The following GALNT17 variants were observed in gnomAD, a reference collection of about 807,000 sequenced individuals.
GALNT17 encodes polypeptide N-acetylgalactosaminyltransferase 17.
Under a neutral mutation model 63.7 loss-of-function variants are expected in GALNT17, and 29 were observed. That is an observed-to-expected ratio of 0.46 (90% CI 0.34 to 0.62). The LOEUF is 0.62. Ranked by LOEUF, GALNT17 falls within the 20% of genes least tolerant of loss-of-function variation. The pLI, the probability that GALNT17 is intolerant of heterozygous loss-of-function variation, is 0.01. For missense variants in GALNT17, 603 were observed against 799.6 expected, an observed-to-expected ratio of 0.75 and a Z score of 2.97; for synonymous variants, 305 against 318.3, an observed-to-expected ratio of 0.96 and a Z score of 0.45.
chr7:71,359,561 A>G (rs562713658), intron 2 of GALNT17, among the ~76,000 whole-genome samples: 1 of 151,998 alleles, frequency 6.6e-6, no homozygotes, highest in Non-Finnish European at 1.5e-5. Flanking sequence ...AATATCCAAA[A>G]CATAGCATAT....
At chr7:71,482,241 C>T (rs1167343442) in intron 5 of GALNT17, among the ~76,000 whole-genome samples, 3 of 151,706 alleles carry the variant, frequency 2.0e-5, no homozygotes, top group Non-Finnish European at 4.4e-5. Flanking sequence ...CCTCTGCCTC[C>T]CGGGTTCAAG....
intron 6 of GALNT17, among the ~76,000 whole-genome samples, chr7:71,607,052 A>C (rs1425886549): frequency 6.6e-6 from 1 of 152,150 alleles, no homozygotes; most frequent in African/African-American, 2.4e-5. Context: ...CACACCTGTA[A>C]TCCCAGCACT....
intron 7 of GALNT17, among the ~76,000 whole-genome samples, chr7:71,668,278 A>G (rs1299709323): frequency 6.6e-6 from 1 of 152,094 alleles, no homozygotes; most frequent in African/African-American, 2.4e-5. Context: ...GCACTTTGGG[A>G]GGCCGAGGCG....
chr7:71,136,682 G>A (rs1787789868), intron 1 of GALNT17, among the ~76,000 whole-genome samples: 1 of 151,788 alleles, frequency 6.6e-6, no homozygotes, highest in African/African-American at 2.4e-5. Flanking sequence ...ACGGGTTTTC[G>A]CCATGTTGGT....
At chr7:71,347,143 T>C (rs1218776010) in intron 2 of GALNT17, among the ~76,000 whole-genome samples, 2 of 152,208 alleles carry the variant, frequency 1.3e-5, no homozygotes, top group African/African-American at 4.8e-5. Context: ...GCAGTACTTA[T>C]GGGTGAATGT....
At chr7:71,649,943 C>T (rs923374796) in intron 6 of GALNT17, among the ~76,000 whole-genome samples, 2 of 152,210 alleles carry the variant, frequency 1.3e-5, no homozygotes, top group Non-Finnish European at 1.5e-5. Context: ...CAAGGGGTAT[C>T]TCAGGCATGC....
At chr7:71,701,737 ATATGTGTATATATATG>A (rs1157228048) in intron 9 of GALNT17, among the ~76,000 whole-genome samples, 221 of 20,926 alleles carry the variant, frequency 0.011, 2 homozygotes, top group Middle Eastern at 0.091. Flanking sequence ...ATATATATAT[ATATGTGTATATATATG>A]TATATATATG....
intron 9 of GALNT17, among the ~76,000 whole-genome samples, chr7:71,682,173 C>CG (rs1791276923): frequency 6.6e-6 from 1 of 151,920 alleles, no homozygotes; most frequent in Non-Finnish European, 1.5e-5. Context: ...GTGATCCACC[C>CG]ACCTTGGCCT....
chr7:71,472,719 A>G (rs1453321004), intron 5 of GALNT17, among the ~76,000 whole-genome samples: 2 of 152,096 alleles, frequency 1.3e-5, no homozygotes, highest in Non-Finnish European at 2.9e-5. Flanking sequence ...ACTAAAATAA[A>G]TAAAAATTAA....
chr7:71,537,392 C>T (rs1262891522), intron 5 of GALNT17, among the ~76,000 whole-genome samples: 4 of 152,088 alleles, frequency 2.6e-5, no homozygotes, highest in African/African-American at 7.2e-5. Flanking sequence ...AGGAGGGCTT[C>T]GCAGATCTGA....
intron 6 of GALNT17, among the ~76,000 whole-genome samples, chr7:71,573,409 C>T (rs56147263): frequency 0.026 from 4,002 of 152,146 alleles, 188 homozygotes; most frequent in African/African-American, 0.091. Flanking sequence ...CGGCTCACTG[C>T]AAGCTCCACC....
At chr7:71,485,723 C>T (rs147576787) in intron 5 of GALNT17, among the ~76,000 whole-genome samples, 2 of 152,196 alleles carry the variant, frequency 1.3e-5, no homozygotes, top group African/African-American at 2.4e-5. Context: ...CCTTGTCATT[C>T]GCCATCATTG....
chr7:71,614,269 A>G (rs1311169749), intron 6 of GALNT17, among the ~76,000 whole-genome samples: 9 of 150,946 alleles, frequency 6.0e-5, no homozygotes, highest in Non-Finnish European at 8.8e-5. Flanking sequence ...ATGCTCCAAA[A>G]TCTGAAACTT....
intron 1 of GALNT17, among the ~76,000 whole-genome samples, chr7:71,183,028 G>A (rs1344142820): frequency 6.6e-6 from 1 of 152,206 alleles, no homozygotes. Context: ...AGGGCTGCTG[G>A]GGCATTGTGG....
At chr7:71,454,106 T>A (rs546099095) in intron 5 of GALNT17, among the ~76,000 whole-genome samples, 5 of 152,318 alleles carry the variant, frequency 3.3e-5, no homozygotes, top group East Asian at 1.9e-4. Context: ...GGAGCTTTTT[T>A]AAAATTTTTA....
intron 1 of GALNT17, among the ~76,000 whole-genome samples, chr7:71,310,997 A>G (rs181593501): frequency 6.6e-6 from 1 of 152,328 alleles, no homozygotes; most frequent in Admixed American, 6.5e-5. Flanking sequence ...GCCGCTGATG[A>G]GATTTATTCC....
chr7:71,556,812 C>A (rs1274521481), intron 5 of GALNT17, among the ~76,000 whole-genome samples: 1 of 152,132 alleles, frequency 6.6e-6, no homozygotes, highest in Non-Finnish European at 1.5e-5. Context: ...GTGATCCACC[C>A]ACCTTGGCCT....
At position 71,280,723 on chromosome 7, in the gene GALNT17, C is replaced by T. The variant is rs559034374; in HGVS notation, c.239-54827C>T. On this transcript the variant is annotated intron_variant, in intron 1 of 10. Transcript: ENST00000333538. ...TAGATAAGACAGCAGTAGATTTTCACCCCTGGAGAAAGAGGGTTTTCCTTG... is the reference window on the plus strand; with the variant it reads ...TAGATAAGACAGCAGTAGATTTTCATCCCTGGAGAAAGAGGGTTTTCCTTG... 5.5e-3 allele frequency among the ~76,000 whole-genome samples: 833 copies of T among 152,280 alleles called. 6 individuals carry two copies. The highest frequency in any genetic ancestry group is 6.5e-3 in the Non-Finnish European group (445 of 68,024).
chr7:71,167,045 C>CTTTT (rs35735311), intron 1 of GALNT17, among the ~76,000 whole-genome samples: 11 of 115,472 alleles, frequency 9.5e-5, no homozygotes, highest in South Asian at 2.8e-4. Flanking sequence ...TGGCTAAGTA[C>CTTTT]TTTTTTTTTT....
Sources: gnomAD v4.1 joint callset for allele counts (sites outside exome capture counted in the v4.1 genomes callset) on GRCh38, gnomAD v4.1.1 for gene constraint, MANE v1.5 for transcripts, NCBI Gene and HGNC (gene_info 2026-07-23, HGNC 2026-07-21) for gene names.